Variants in SLC8A1 observed in about 807,000 individuals in gnomAD.
The protein encoded by SLC8A1 is solute carrier family 8 member A1.
A neutral mutation model predicts 68.3 loss-of-function variants in SLC8A1; 18 were observed. The observed-to-expected ratio is 0.26, with a 90% confidence interval of 0.18 to 0.39. The LOEUF is 0.39. Among genes scored for constraint, SLC8A1 ranks in the 10% least tolerant of loss-of-function variants. The probability of loss-of-function intolerance (pLI) is 1.00; values close to 1 mark genes in which losing one functional copy is unlikely to be tolerated. For missense variants in SLC8A1, 985 were observed against 1,156.7 expected (o/e 0.85, Z 2.15); for synonymous variants, 475 against 415.5 (o/e 1.14, Z -1.74).
At position 40,446,534 on chromosome 2, in the gene SLC8A1, C is replaced by T. The variant is rs535766353; in HGVS notation, c.-25+5370G>A. 7.9e-5 allele frequency: 12 copies of T among 152,368 alleles called. No homozygotes were observed. In the East Asian group the frequency reaches 9.7e-4, roughly 12 times the overall value. The allele number at this position is 152,368 out of a possible 1,614,324, so 9.4% of individuals were successfully genotyped here. On this transcript the variant is annotated intron_variant, in intron 1 of 7. Coordinates refer to ENST00000406785, the Ensembl canonical transcript of SLC8A1. ...AAATGCTTCCTCCTCCGTGAAACCA[C>T]GTCCAATGTTCTCTTCTTCCTTTCA...
In SLC8A1 at chr2:40,236,100, T is replaced by TAGATGTCTATTAGGTCCG. The variant is rs1318366003; in HGVS notation, c.1809-58263_1809-58246dup. On this transcript the variant is annotated intron_variant, in intron 2 of 7. Coordinates refer to ENST00000406785, the Ensembl canonical transcript of SLC8A1. ...TGTTGATTTGGGGTGGACAGTTCTG[T>TAGATGTCTATTAGGTCCG]AGATGTCTATTAGGTCCGCTTGGTG... Among the ~76,000 whole-genome samples the TAGATGTCTATTAGGTCCG allele has an allele frequency of 3.0e-4, 46 of 152,188 alleles. 1 individual carries two copies. Among genetic ancestry groups the TAGATGTCTATTAGGTCCG allele is most frequent in the Non-Finnish European group, 4.6e-4 (31 of 68,044 alleles).
chr2:40,333,193 C>G (rs2076596550), intron 2 of SLC8A1, among the ~76,000 whole-genome samples: 2 of 152,182 alleles, frequency 1.3e-5, no homozygotes, highest in Admixed American at 1.3e-4. Flanking sequence ...AATCCCAGCA[C>G]TTTGGGAGGC....
chr2:40,323,268 T>C (rs1403774584), intron 2 of SLC8A1, among the ~76,000 whole-genome samples: 1 of 152,180 alleles, frequency 6.6e-6, no homozygotes, highest in Non-Finnish European at 1.5e-5. Flanking sequence ...TCATCCTGGA[T>C]TCTGTCAATA....
intron 2 of SLC8A1, among the ~76,000 whole-genome samples, chr2:40,294,434 A>G (rs2069939244): frequency 6.6e-6 from 1 of 152,192 alleles, no homozygotes; most frequent in African/African-American, 2.4e-5. Context: ...TTAGTGGCTA[A>G]GCTAGGGTTT....
At chr2:40,124,735 A>G (rs1169615510) in intron 7 of SLC8A1, among the ~76,000 whole-genome samples, 5 of 152,258 alleles carry the variant, frequency 3.3e-5, no homozygotes, top group Admixed American at 6.5e-5. Flanking sequence ...ATGTTAGAGA[A>G]AAATTAGAAA....
chr2:40,174,657 T>G, intron 4 of SLC8A1, 49 bp downstream of exon 6: 1 of 1,436,610 alleles, frequency 7.0e-7, no homozygotes, highest in Non-Finnish European at 9.6e-7. Flanking sequence ...GGATTGATGG[T>G]TAAGGGTATT....
In SLC8A1 at chr2:40,463,001, G is replaced by A. The variant is rs182805217; in HGVS notation, c.-24-32697C>T. ...GCAAGGTCCTGTGTTAGACACAATG[G>A]AATTATCAGTGAAAAAAAAAATGGG... On this transcript the variant is annotated intron_variant, in intron 1 of 7. Coordinates refer to the SLC8A1 transcript ENST00000402441. Among the ~76,000 whole-genome samples, 659 of 143,502 alleles carry A rather than the reference G, an allele frequency of 4.6e-3. 3 individuals are homozygous for A. Among genetic ancestry groups the A allele is most frequent in the African/African-American group, 0.017 (631 of 38,110 alleles). The allele number at this position is 143,502 out of a possible 152,430, so 94.1% of individuals were successfully genotyped here. A position where few individuals can be genotyped will look rare whatever the true frequency, so the allele number is the denominator to read the frequency against.
chr2:40,215,528 T>A (rs112679233), intron 2 of SLC8A1, among the ~76,000 whole-genome samples: 3,250 of 151,220 alleles, frequency 0.021, 61 homozygotes, highest in Non-Finnish European at 0.03. Flanking sequence ...TCCCAGCTAC[T>A]CGGGAGGCTG....
intron 1 of SLC8A1, among the ~76,000 whole-genome samples, chr2:40,510,932 G>C (rs1018034666): frequency 1.1e-4 from 16 of 152,012 alleles, no homozygotes; most frequent in African/African-American, 3.1e-4. Flanking sequence ...GGTGTAATGG[G>C]ACATTCAGAG....
chr2:40,297,614 A>G (rs138067357), intron 2 of SLC8A1, among the ~76,000 whole-genome samples: 1 of 152,212 alleles, frequency 6.6e-6, no homozygotes, highest in Admixed American at 6.5e-5. Flanking sequence ...TTATCTAAAG[A>G]CTTAACCTTC....
chr2:40,213,795 T>C (rs1407664949), intron 2 of SLC8A1, among the ~76,000 whole-genome samples: 1 of 152,222 alleles, frequency 6.6e-6, no homozygotes, highest in Non-Finnish European at 1.5e-5. Flanking sequence ...GCCAAGCCTT[T>C]CTTCTGGCAG....
At chr2:40,407,955 A>G (rs1014154097) in intron 2 of SLC8A1, among the ~76,000 whole-genome samples, 1 of 152,146 alleles carries the variant, frequency 6.6e-6, no homozygotes, top group Non-Finnish European at 1.5e-5. Context: ...GTTTGCATTT[A>G]TTCACTCACA....
chr2:40,456,742 A>G (rs998443594), upstream of SLC8A1, among the ~76,000 whole-genome samples: 5 of 152,230 alleles, frequency 3.3e-5, no homozygotes, highest in Non-Finnish European at 7.3e-5. Context: ...ATTACTGGTA[A>G]AGTTTCATAA....
At chr2:40,231,109 G>A (rs1409861741) in intron 2 of SLC8A1, among the ~76,000 whole-genome samples, 1 of 152,082 alleles carries the variant, frequency 6.6e-6, no homozygotes, top group East Asian at 1.9e-4. Flanking sequence ...TTTGCCTTAG[G>A]GCATAAGATA....
chr2:40,252,817 T>TAC (rs1558963303), intron 2 of SLC8A1, among the ~76,000 whole-genome samples: 13,094 of 143,536 alleles, frequency 0.091, 803 homozygotes, highest in Admixed American at 0.14. Flanking sequence ...TACATATACA[T>TAC]ATATATGTAT....
chr2:40,196,104 G>T (rs991760704), intron 2 of SLC8A1, among the ~76,000 whole-genome samples: 1 of 151,700 alleles, frequency 6.6e-6, no homozygotes, highest in Non-Finnish European at 1.5e-5. Flanking sequence ...TATGGGGGTG[G>T]GGGGAAGGGT....
chr2:40,327,515 C>G (rs1238347882), intron 2 of SLC8A1, among the ~76,000 whole-genome samples: 1 of 152,090 alleles, frequency 6.6e-6, no homozygotes, highest in Non-Finnish European at 1.5e-5. Flanking sequence ...AATCACTTTG[C>G]TAGACTGTGA....
Position 40,446,963 on chromosome 2 carries a change from T to C in SLC8A1, c.-25+4941A>G, listed in dbSNP as rs540261610. On this transcript the variant is annotated intron_variant, in intron 1 of 7. Coordinates refer to ENST00000406785, the Ensembl canonical transcript of SLC8A1. ...ATGCTCCATAAATATCATAATTTGG[T>C]TGAAGTAAATTGCTGAATCACTACC... 1.2e-4 allele frequency among the ~76,000 whole-genome samples: 18 copies of C among 152,296 alleles called. No individual in the cohort carries two copies. In the South Asian group the frequency reaches 3.7e-3, roughly 32 times the overall value.
intron 2 of SLC8A1, among the ~76,000 whole-genome samples, chr2:40,198,593 C>T (rs553669541): frequency 6.6e-6 from 1 of 151,798 alleles, no homozygotes; most frequent in South Asian, 2.1e-4. Context: ...AGAATGAAAC[C>T]TGCAGTGAGA....
Sources: allele counts gnomAD v4.1 joint callset (sites outside exome capture counted in the v4.1 genomes callset), GRCh38; gene constraint gnomAD v4.1.1; transcripts MANE v1.5; gene names NCBI Gene and HGNC (gene_info 2026-07-23, HGNC 2026-07-21).